The following TAFA2 variants were observed in gnomAD, a reference collection of about 807,000 sequenced individuals.
TAFA2 encodes the protein TAFA chemokine like family member 2, also known as chemokine-like protein TAFA-2.
TAFA2 carries 7 observed loss-of-function variants against 18.8 expected under a neutral mutation model. The observed-to-expected ratio is 0.37, with a 90% CI of 0.21 to 0.70. The LOEUF is 0.70. Among genes scored for constraint, TAFA2 ranks in the 30% least tolerant of loss-of-function variants. TAFA2 has a pLI of 0.53. For synonymous variants in TAFA2, 60 were observed against 54.2 expected, an observed-to-expected ratio of 1.11 and a Z score of -0.47; for missense variants, 122 against 158.1, an observed-to-expected ratio of 0.77 and a Z score of 1.23.
At chr12:62,031,755 C>T (rs1881465363) in intron 1 of TAFA2, among the ~76,000 whole-genome samples, 1 of 152,130 alleles carries the variant, frequency 6.6e-6, no homozygotes, top group African/African-American at 2.4e-5. Context: ...ACCCTACGAC[C>T]TCCATGTTCC....
intron 2 of TAFA2, among the ~76,000 whole-genome samples, chr12:61,782,583 T>G (rs1870552644): frequency 6.6e-6 from 1 of 151,742 alleles, no homozygotes; most frequent in African/African-American, 2.4e-5. Context: ...TGGACTTATG[T>G]TCTCAGGATC....
chr12:61,887,068 C>A (rs906531279), intron 1 of TAFA2, among the ~76,000 whole-genome samples: 10 of 152,210 alleles, frequency 6.6e-5, no homozygotes, highest in South Asian at 2.1e-4. Flanking sequence ...ATAATAAATG[C>A]TCAACTAATA....
chr12:61,918,846 G>A (rs768832109), intron 1 of TAFA2, among the ~76,000 whole-genome samples: 10 of 152,192 alleles, frequency 6.6e-5, no homozygotes, highest in Non-Finnish European at 1.0e-4. Context: ...AAGGGCAACA[G>A]GTAATTCTGA....
intron 2 of TAFA2, among the ~76,000 whole-genome samples, chr12:61,809,911 A>T (rs1304513279): frequency 6.6e-6 from 1 of 151,258 alleles, no homozygotes; most frequent in African/African-American, 2.5e-5. Flanking sequence ...CAACATTTCC[A>T]GGTGGTGATT....
chr12:62,027,447 G>A (rs1413562022), intron 1 of TAFA2, among the ~76,000 whole-genome samples: 1 of 152,112 alleles, frequency 6.6e-6, no homozygotes, highest in Non-Finnish European at 1.5e-5. Flanking sequence ...TTCTAAGAAG[G>A]TGAAATTTGT....
intron 2 of TAFA2, among the ~76,000 whole-genome samples, chr12:61,847,619 G>A (rs535797271): frequency 6.6e-6 from 1 of 152,084 alleles, no homozygotes; most frequent in Non-Finnish European, 1.5e-5. Context: ...CAATTAAAAT[G>A]AACTTTCTTA....
At chr12:61,959,591 G>A (rs1193293163) in intron 1 of TAFA2, among the ~76,000 whole-genome samples, 1 of 151,966 alleles carries the variant, frequency 6.6e-6, no homozygotes, top group Non-Finnish European at 1.5e-5. Flanking sequence ...TGTTGAGTAG[G>A]AGCAAAGAAG....
At chr12:61,769,948 G>T (rs1869954219) in intron 2 of TAFA2, among the ~76,000 whole-genome samples, 1 of 151,990 alleles carries the variant, frequency 6.6e-6, no homozygotes, top group Non-Finnish European at 1.5e-5. Context: ...ACTCAAGGAG[G>T]CACCAGAGAA....
rs567077319 is a variant in TAFA2 at position 62,021,522 on chromosome 12, A to G, written c.-1-154096T>C. On this transcript the variant is annotated intron_variant, in intron 1 of 4. Coordinates refer to ENST00000416284, the MANE Select transcript of TAFA2 (RefSeq NM_178539.5). ...ACAATATTTTATTAAAGATCTTTAC[A>G]GAACAACATCCAGACTCCAGAATAC... The G allele has an allele frequency of 8.1e-4, 571 of 708,326 alleles. 1 individual carries two copies. The African/African-American group carries it at 8.5e-3, about 11-fold the overall frequency. 43.9% of individuals were successfully genotyped at this position (708,326 alleles called of 1,614,324 possible).
intron 1 of TAFA2, among the ~76,000 whole-genome samples, chr12:62,220,827 G>A (rs1164195177): frequency 1.3e-5 from 2 of 151,984 alleles, no homozygotes; most frequent in Non-Finnish European, 2.9e-5. Context: ...AGGGAAGGGG[G>A]CCGGGCGCGG....
chr12:62,185,234 G>T (rs773668954), intron 1 of TAFA2, among the ~76,000 whole-genome samples: 1 of 152,088 alleles, frequency 6.6e-6, no homozygotes, highest in Admixed American at 6.5e-5. Context: ...TTAAAAATTA[G>T]GTTAAGTTTT....
chr12:62,060,413 T>G (rs1370748268), intron 1 of TAFA2, among the ~76,000 whole-genome samples: 1 of 152,232 alleles, frequency 6.6e-6, no homozygotes, highest in African/African-American at 2.4e-5. Flanking sequence ...AATGATGCTG[T>G]TTGTAGTGAT....
chr12:62,047,669 T>C (rs1565727535), intron 1 of TAFA2, among the ~76,000 whole-genome samples: 3 of 152,272 alleles, frequency 2.0e-5, no homozygotes, highest in East Asian at 1.9e-4. Context: ...AATTAATAAA[T>C]CATTTTCTTT....
chr12:62,139,331 C>T (rs1440933583), intron 1 of TAFA2, among the ~76,000 whole-genome samples: 1 of 152,108 alleles, frequency 6.6e-6, no homozygotes, highest in Non-Finnish European at 1.5e-5. Context: ...TTATAAAATG[C>T]TTAAGTATTT....
At chr12:62,199,587 T>C (rs2062662857) in intron 1 of TAFA2, among the ~76,000 whole-genome samples, 2 of 150,316 alleles carry the variant, frequency 1.3e-5, no homozygotes, top group Admixed American at 6.7e-5. Context: ...TGTGTGTGTA[T>C]GTGTGTGTAT....
chr12:62,219,373 T>A (rs981865420), intron 1 of TAFA2, among the ~76,000 whole-genome samples: 8 of 152,046 alleles, frequency 5.3e-5, no homozygotes, highest in Non-Finnish European at 8.8e-5. Flanking sequence ...CTTTTGGAAA[T>A]GCAAAGCATT....
At chr12:61,787,596 T>C (rs1300868586) in intron 2 of TAFA2, among the ~76,000 whole-genome samples, 1 of 151,676 alleles carries the variant, frequency 6.6e-6, no homozygotes, top group Non-Finnish European at 1.5e-5. Flanking sequence ...TAGAGTACTT[T>C]TCTGTGACCA....
At chr12:61,763,405 C>A (rs79608736) in intron 2 of TAFA2, among the ~76,000 whole-genome samples, 9,416 of 151,962 alleles carry the variant, frequency 0.062, 975 homozygotes, top group African/African-American at 0.21. Context: ...GAGAAAGCGA[C>A]AAAACAAAGG....
At chr12:62,078,080 G>A (rs182633379) in intron 1 of TAFA2, among the ~76,000 whole-genome samples, 2 of 152,182 alleles carry the variant, frequency 1.3e-5, no homozygotes, top group Non-Finnish European at 2.9e-5. Flanking sequence ...AGACAGCACA[G>A]GTCCCGGTAG....
Sources: gnomAD v4.1 joint callset for allele counts (sites outside exome capture counted in the v4.1 genomes callset) on GRCh38, gnomAD v4.1.1 for gene constraint, MANE v1.5 for transcripts, NCBI Gene and HGNC (gene_info 2026-07-23, HGNC 2026-07-21) for gene names.